The following ARMC2 variants were observed in gnomAD, a reference collection of about 807,000 sequenced individuals.
The protein encoded by ARMC2 is armadillo repeat-containing protein 2.
In ARMC2, 67 loss-of-function variants were observed where a neutral mutation model predicts 90.3. That is an observed-to-expected ratio of 0.74 (90% CI 0.61 to 0.91). ARMC2 has a LOEUF of 0.91. Among genes scored for constraint, ARMC2 ranks in the 40% least tolerant of loss-of-function variants. The pLI is 0.00. For missense variants in ARMC2, 920 were observed against 1,030.9 expected, an observed-to-expected ratio of 0.89 and a Z score of 1.47; for synonymous variants, 393 against 393.0, an observed-to-expected ratio of 1.00 and a Z score of 0.00.
chr6:108,997,602 C>A, the ARMC2 span, among the ~76,000 whole-genome samples: 31 of 152,292 alleles, frequency 2.0e-4, no homozygotes, highest in Admixed American at 2.0e-3. Context: ...TTCATTTAAA[C>A]CTCACAATAA....
At chr6:108,992,521 A>G in the ARMC2 span, among the ~76,000 whole-genome samples, 1 of 152,188 alleles carries the variant, frequency 6.6e-6, no homozygotes, top group African/African-American at 2.4e-5. Flanking sequence ...AATATTTGGG[A>G]ACGCTGGGAG....
At chr6:109,014,617 GT>G in the ARMC2 span, among the ~76,000 whole-genome samples, 5 of 152,128 alleles carry the variant, frequency 3.3e-5, no homozygotes, top group African/African-American at 9.7e-5. Context: ...CTCAGGGTGA[GT>G]TTTTTTGTTT....
intron 3 of ARMC2, among the ~76,000 whole-genome samples, chr6:108,867,171 G>T (rs1274495445): frequency 6.6e-6 from 1 of 152,112 alleles, no homozygotes; most frequent in Admixed American, 6.5e-5. Flanking sequence ...CTGCCATAAG[G>T]TTGTTCTTTC....
At chr6:108,886,831 G>A (rs1465449600) in intron 5 of ARMC2, among the ~76,000 whole-genome samples, 2 of 151,760 alleles carry the variant, frequency 1.3e-5, no homozygotes, top group East Asian at 3.9e-4. Flanking sequence ...AAGAACCTTA[G>A]TCATAATAAT....
the ARMC2 span, among the ~76,000 whole-genome samples, chr6:109,006,682 A>G: frequency 6.6e-6 from 1 of 152,102 alleles, no homozygotes; most frequent in Non-Finnish European, 1.5e-5. Flanking sequence ...CTGTTATTAT[A>G]CAGTAGTAGT....
intron 7 of ARMC2, 75 bp from the exon 8 acceptor site, chr6:108,904,155 C>G: frequency 1.3e-6 from 2 of 1,501,764 alleles, no homozygotes; most frequent in Non-Finnish European, 1.8e-6. Context: ...TTTTTACTTA[C>G]ACTGTCTGTG....
chr6:109,015,940 G>C, the ARMC2 span, among the ~76,000 whole-genome samples: 3 of 152,162 alleles, frequency 2.0e-5, no homozygotes, highest in African/African-American at 7.2e-5. Flanking sequence ...CACAGGCCAA[G>C]AACTGGTTTA....
At position 108,876,428 on chromosome 6, in the gene ARMC2, G is replaced by A. The variant is rs902245856; in HGVS notation, c.671+78G>A. The A allele has an allele frequency of 1.0e-4, 150 of 1,436,040 alleles. 1 individual carries two copies. In the East Asian group the frequency reaches 3.5e-3, roughly 33 times the overall value. The allele number at this position is 1,436,040 out of a possible 1,614,324, so 89.0% of individuals were successfully genotyped here. A position where few individuals can be genotyped will look rare whatever the true frequency, so the allele number is the denominator to read the frequency against. On this transcript the variant is annotated intron_variant, in intron 5 of 17. Transcript: ENST00000392644. Reference sequence around the variant, plus strand: ...AGTTTCTTCTCTATTTTATATAGATGATTGGTTTGCTTTTTCTCTTTTATG... The same window carrying A: ...AGTTTCTTCTCTATTTTATATAGATAATTGGTTTGCTTTTTCTCTTTTATG...
chr6:108,870,497 AAG>A (rs918863661), intron 4 of ARMC2, among the ~76,000 whole-genome samples: 1 of 149,482 alleles, frequency 6.7e-6, no homozygotes, highest in Non-Finnish European at 1.5e-5. Flanking sequence ...AAAAGAAAGA[AAG>A]AGAGAGAGAA....
At chr6:108,960,929 T>C (rs899368386) in intron 13 of ARMC2, among the ~76,000 whole-genome samples, 17 of 152,128 alleles carry the variant, frequency 1.1e-4, no homozygotes, top group African/African-American at 3.4e-4. Flanking sequence ...AGCTGCCAGG[T>C]AGGTCTTGTG....
chr6:108,854,872 A>G (rs1234175996), intron 2 of ARMC2, among the ~76,000 whole-genome samples: 1 of 152,148 alleles, frequency 6.6e-6, no homozygotes, highest in African/African-American at 2.4e-5. Flanking sequence ...CTGCCCTACA[A>G]ATTCTTCACT....
At chr6:109,044,077 G>T in the ARMC2 span, among the ~76,000 whole-genome samples, 4 of 151,892 alleles carry the variant, frequency 2.6e-5, no homozygotes, top group Admixed American at 2.6e-4. Context: ...CACTTTGGGA[G>T]GCCAAGGCAA....
At chr6:108,934,116 C>G (rs1365711480) in intron 11 of ARMC2, among the ~76,000 whole-genome samples, 1 of 152,178 alleles carries the variant, frequency 6.6e-6, no homozygotes, top group Non-Finnish European at 1.5e-5. Flanking sequence ...CCCGTCTCAG[C>G]CTCCCAAAGT....
intron 4 of ARMC2, among the ~76,000 whole-genome samples, chr6:108,872,708 G>A (rs1392730310): frequency 1.3e-5 from 2 of 152,138 alleles, no homozygotes; most frequent in Non-Finnish European, 2.9e-5. Flanking sequence ...ACAAGAGGTC[G>A]GGAAGCAAAT....
In ARMC2 at chr6:108,887,973, G is replaced by A. The variant is rs538995040; in HGVS notation, c.672-6494G>A. Among the ~76,000 whole-genome samples the A allele has an allele frequency of 2.0e-5, 3 of 152,282 alleles. No homozygotes were observed. In the South Asian group the frequency reaches 6.2e-4, roughly 32 times the overall value. ...TGGGAAAATCTGCCTTAGTGAACAT[G>A]CAGGAAAAGATTAGAGACACCCACC... On this transcript the variant is annotated intron_variant, in intron 5 of 17. Coordinates refer to ENST00000392644, the MANE Select transcript of ARMC2 (RefSeq NM_032131.6).
rs189712748 is a variant in ARMC2 at position 108,851,510 on chromosome 6, C to T, written c.-43-2715C>T. 2.0e-5 allele frequency among the ~76,000 whole-genome samples: 3 copies of T among 152,248 alleles called. No homozygotes were observed. In the East Asian group the frequency reaches 5.8e-4, roughly 29 times the overall value. On this transcript the variant is annotated intron_variant, in intron 1 of 17. Coordinates refer to ENST00000392644, the MANE Select transcript of ARMC2 (RefSeq NM_032131.6). Reference sequence around the variant, plus strand: ...GCTCCTGTTGGGAAAATATTGGGGTCTCTGTGTGAATGGGTTAATAGTTGC... The same window carrying T: ...GCTCCTGTTGGGAAAATATTGGGGTTTCTGTGTGAATGGGTTAATAGTTGC...
chr6:109,046,296 G>A, the ARMC2 span, among the ~76,000 whole-genome samples: 1 of 151,718 alleles, frequency 6.6e-6, no homozygotes, highest in Non-Finnish European at 1.5e-5. Context: ...TGTTGGCCGG[G>A]CCGGTCTCCA....
intron 15 of ARMC2, among the ~76,000 whole-genome samples, chr6:108,962,928 G>A (rs975991765): frequency 6.6e-6 from 1 of 152,174 alleles, no homozygotes; most frequent in Non-Finnish European, 1.5e-5. Context: ...GAGCCCAGAA[G>A]TTTGAGGCTA....
At chr6:108,959,174 T>C (rs1031759325) in intron 13 of ARMC2, among the ~76,000 whole-genome samples, 2 of 152,218 alleles carry the variant, frequency 1.3e-5, no homozygotes, top group Non-Finnish European at 2.9e-5. Flanking sequence ...CTTGCTGCTC[T>C]AGCGGGAGGG....
Sources: allele counts gnomAD v4.1 joint callset (sites outside exome capture counted in the v4.1 genomes callset), GRCh38; gene constraint gnomAD v4.1.1; transcripts MANE v1.5; gene names NCBI Gene and HGNC (gene_info 2026-07-23, HGNC 2026-07-21).